The following ZCCHC17 variants were observed in gnomAD, a reference collection of about 807,000 sequenced individuals.
The protein encoded by ZCCHC17 is zinc finger CCHC-type containing 17.
ZCCHC17 carries 18 observed loss-of-function variants against 30.6 expected under a neutral mutation model. The ratio of observed to expected loss-of-function variants is 0.59; its 90% CI spans 0.41 to 0.87. The LOEUF is 0.87. ZCCHC17 is among the 40% of genes least tolerant of loss of function. The pLI is 0.00. For synonymous variants in ZCCHC17, 88 were observed against 92.4 expected (o/e 0.95, Z 0.27); for missense variants, 263 against 284.2 (o/e 0.93, Z 0.54).
At chr1:31,323,334 T>A (rs1381211317) in intron 3 of ZCCHC17, among the ~76,000 whole-genome samples, 1 of 152,042 alleles carries the variant, frequency 6.6e-6, no homozygotes. Flanking sequence ...TTTCTTTTTT[T>A]TTTTTGAGAC....
chr1:31,334,521 A>C (rs910209989), intron 3 of ZCCHC17, among the ~76,000 whole-genome samples: 4 of 152,094 alleles, frequency 2.6e-5, no homozygotes, highest in Non-Finnish European at 4.4e-5. Context: ...TTTCTCCAGA[A>C]TTGAAGTAAT....
At chr1:31,334,793 G>A (rs1386164439) in intron 3 of ZCCHC17, among the ~76,000 whole-genome samples, 2 of 152,106 alleles carry the variant, frequency 1.3e-5, no homozygotes, top group Admixed American at 6.6e-5. Context: ...CTTTTGAATG[G>A]ACCATCAAGC....
chr1:31,343,367 T>G (rs1639117581), intron 5 of ZCCHC17, among the ~76,000 whole-genome samples: 1 of 152,150 alleles, frequency 6.6e-6, no homozygotes. Flanking sequence ...GCCCATGAAT[T>G]TTTTTAAAAA....
At chr1:31,307,427 T>G (rs1646489927) in intron 1 of ZCCHC17, among the ~76,000 whole-genome samples, 1 of 151,590 alleles carries the variant, frequency 6.6e-6, no homozygotes, top group African/African-American at 2.4e-5. Flanking sequence ...TTTTTTTTTT[T>G]GAGATGGAAT....
At chr1:31,297,341 C>G in intron 1 of ZCCHC17, 1 of 395,554 alleles carries the variant, frequency 2.5e-6, no homozygotes, top group East Asian at 3.6e-5. Context: ...CCGGGCATTC[C>G]CAGGGAGAAA....
intron 3 of ZCCHC17, among the ~76,000 whole-genome samples, chr1:31,319,728 G>A (rs1646816992): frequency 1.3e-5 from 2 of 152,098 alleles, no homozygotes; most frequent in African/African-American, 4.8e-5. Flanking sequence ...ATTTGGCTAG[G>A]TAGTGGCATA....
At chr1:31,328,727 G>A (rs185745585) in intron 3 of ZCCHC17, among the ~76,000 whole-genome samples, 73 of 152,100 alleles carry the variant, frequency 4.8e-4, no homozygotes, top group African/African-American at 1.7e-3. Flanking sequence ...ATGCTCTCTG[G>A]TATGCCACCC....
chr1:31,333,278 C>G (rs1334445388), intron 3 of ZCCHC17: 2 of 136,852 alleles, frequency 1.5e-5, no homozygotes, highest in African/African-American at 5.5e-5. Context: ...AATCCCAGCA[C>G]TTTGGGAGGC....
intron 3 of ZCCHC17, among the ~76,000 whole-genome samples, chr1:31,331,843 C>A (rs963262047): frequency 6.6e-6 from 1 of 151,978 alleles, no homozygotes; most frequent in Admixed American, 6.6e-5. Context: ...ATCTCTTGAC[C>A]TCCTGATCCG....
intron 7 of ZCCHC17, among the ~76,000 whole-genome samples, chr1:31,355,957 G>A (rs547446374): frequency 6.6e-6 from 1 of 152,146 alleles, no homozygotes; most frequent in Admixed American, 6.5e-5. Flanking sequence ...ACTTGTTTCA[G>A]GACTAGTCAG....
intron 2 of ZCCHC17, among the ~76,000 whole-genome samples, chr1:31,317,118 A>G (rs1169590608): frequency 1.1e-4 from 16 of 141,064 alleles, no homozygotes; most frequent in Non-Finnish European, 1.5e-5. Flanking sequence ...TCTGCTTCCC[A>G]GGTTCAAGTG....
chr1:31,306,994 T>C (rs7544952), intron 1 of ZCCHC17, among the ~76,000 whole-genome samples: 118,997 of 152,062 alleles, frequency 0.78, 46,981 homozygotes, highest in African/African-American at 0.84. Context: ...CGCACCACCA[T>C]GCCTAGCTAA....
intron 3 of ZCCHC17, among the ~76,000 whole-genome samples, chr1:31,327,553 T>C (rs565047072): frequency 1.1e-4 from 16 of 152,208 alleles, no homozygotes; most frequent in Non-Finnish European, 2.2e-4. Flanking sequence ...TGATGAAATC[T>C]TGTGCTGTCT....
intron 7 of ZCCHC17, among the ~76,000 whole-genome samples, chr1:31,359,344 C>T (rs571183654): frequency 7.9e-5 from 12 of 151,840 alleles, no homozygotes; most frequent in Middle Eastern, 6.8e-3. Context: ...GGTGAAACCC[C>T]GACTCTAGTT....
chr1:31,359,703 C>T (rs1260818730), intron 7 of ZCCHC17, among the ~76,000 whole-genome samples: 1 of 152,116 alleles, frequency 6.6e-6, no homozygotes, highest in East Asian at 1.9e-4. Flanking sequence ...GGGATATGTG[C>T]TTTTCCTAGA....
chr1:31,333,037 C>T (rs937585106), intron 3 of ZCCHC17: 1 of 152,062 alleles, frequency 6.6e-6, no homozygotes, highest in African/African-American at 2.4e-5. Flanking sequence ...GGACCTTAAA[C>T]ATTTCCCCAT....
chr1:31,344,057 G>A (rs1183091592), intron 5 of ZCCHC17, among the ~76,000 whole-genome samples: 1 of 151,894 alleles, frequency 6.6e-6, no homozygotes, highest in African/African-American at 2.4e-5. Flanking sequence ...GTTTCTCCAT[G>A]TTGGTCAGGT....
intron 1 of ZCCHC17, among the ~76,000 whole-genome samples, chr1:31,309,657 A>G (rs751719117): frequency 3.3e-4 from 51 of 152,332 alleles, no homozygotes; most frequent in Non-Finnish European, 6.3e-4. Context: ...TGCTTAGCAC[A>G]GTGCCTGGAC....
At chr1:31,302,658 T>A (rs1196375184) in intron 1 of ZCCHC17, among the ~76,000 whole-genome samples, 1 of 152,134 alleles carries the variant, frequency 6.6e-6, no homozygotes, top group Non-Finnish European at 1.5e-5. Context: ...AAAGGTTTAA[T>A]TGACTCACAG....
Sources: allele counts gnomAD v4.1 joint callset (sites outside exome capture counted in the v4.1 genomes callset), GRCh38; gene constraint gnomAD v4.1.1; transcripts MANE v1.5; gene names NCBI Gene and HGNC (gene_info 2026-07-23, HGNC 2026-07-21).